CDH13: variants seen among roughly 807,000 people sequenced by gnomAD.
The protein encoded by CDH13 is cadherin 13, also known as cadherin-13.
In CDH13, 24 loss-of-function variants were observed where a neutral mutation model predicts 63.8. That is an observed-to-expected ratio of 0.38 (90% confidence interval 0.27 to 0.53). CDH13 has a LOEUF of 0.53. CDH13 is among the 20% of genes least tolerant of loss of function. The pLI, the probability that CDH13 is intolerant of heterozygous loss-of-function variation, is 0.85. For synonymous variants in CDH13, 503 were observed against 355.3 expected (o/e 1.42, Z -4.67); for missense variants, 1,049 against 903.1 (o/e 1.16, Z -2.07).
intron 6 of CDH13, among the ~76,000 whole-genome samples, chr16:83,443,635 C>T (rs2072550591): frequency 1.4e-5 from 2 of 147,972 alleles, no homozygotes; most frequent in South Asian, 4.2e-4. Context: ...CTTAGGCAGG[C>T]TGAGGCAGGA....
chr16:83,146,272 G>A (rs1203159329), intron 4 of CDH13, among the ~76,000 whole-genome samples: 2 of 152,180 alleles, frequency 1.3e-5, no homozygotes, highest in Non-Finnish European at 1.5e-5. Flanking sequence ...GACATTTCAG[G>A]TGGAGGGATA....
chr16:83,561,976 C>T (rs2075716904), intron 7 of CDH13, among the ~76,000 whole-genome samples: 2 of 152,082 alleles, frequency 1.3e-5, no homozygotes, highest in Non-Finnish European at 2.9e-5. Context: ...TCCAGTGGAG[C>T]GATAGTGCCG....
At chr16:82,949,156 C>T (rs568333869) in intron 2 of CDH13, among the ~76,000 whole-genome samples, 1 of 152,254 alleles carries the variant, frequency 6.6e-6, no homozygotes, top group East Asian at 1.9e-4. Context: ...TGTCTCATAG[C>T]TCTGGAAGCT....
At chr16:83,365,740 T>A (rs182958816) in intron 6 of CDH13, among the ~76,000 whole-genome samples, 29 of 151,718 alleles carry the variant, frequency 1.9e-4, no homozygotes, top group Admixed American at 3.9e-4. Flanking sequence ...CAGAGAAGAG[T>A]TAGAGAAATG....
chr16:82,858,268 C>T (rs541237181), intron 1 of CDH13, 94 bp from the exon 2 acceptor site: 1 of 731,300 alleles, frequency 1.4e-6, no homozygotes, highest in African/African-American at 1.8e-5. Flanking sequence ...AAATCAAAAC[C>T]TCAGCTTGTT....
At chr16:82,691,659 C>T (rs575641768) in intron 1 of CDH13, among the ~76,000 whole-genome samples, 1 of 152,222 alleles carries the variant, frequency 6.6e-6, no homozygotes, top group South Asian at 2.1e-4. Flanking sequence ...GCCTGTTGTA[C>T]TATTAGGGAT....
intron 2 of CDH13, among the ~76,000 whole-genome samples, chr16:82,998,913 C>T (rs1318239735): frequency 7.1e-6 from 1 of 140,156 alleles, no homozygotes; most frequent in African/African-American, 2.8e-5. Context: ...TTAACTTTCA[C>T]CAACACTTTT....
chr16:82,649,924 T>G (rs1597217745), intron 1 of CDH13, among the ~76,000 whole-genome samples: 1 of 152,202 alleles, frequency 6.6e-6, no homozygotes, highest in African/African-American at 2.4e-5. Context: ...TTGAAGCATG[T>G]AACATGCTTA....
chr16:83,396,462 C>G (rs942702912), intron 6 of CDH13: 5 of 152,222 alleles, frequency 3.3e-5, no homozygotes, highest in Non-Finnish European at 7.3e-5. Context: ...TCCCTCTTTC[C>G]TCTCTGTTGC....
At position 83,014,592 on chromosome 16, in the gene CDH13, G is replaced by A. The variant is rs540838255; in HGVS notation, c.158-17418G>A. On this transcript the variant is annotated intron_variant, in intron 2 of 13. Transcript: ENST00000567109. ...CTACTAAAAATAAAAAATTAGCCGAGTGGTGGCCCATGCCTGTAATTCTAG... is the reference window on the plus strand; with the variant it reads ...CTACTAAAAATAAAAAATTAGCCGAATGGTGGCCCATGCCTGTAATTCTAG... Among the ~76,000 whole-genome samples the A allele has an allele frequency of 2.0e-5, 3 of 150,672 alleles. No individual in the cohort carries two copies. In the South Asian group the frequency reaches 6.3e-4, roughly 31 times the overall value.
chr16:83,437,258 T>C (rs939759233), intron 6 of CDH13, among the ~76,000 whole-genome samples: 1 of 152,188 alleles, frequency 6.6e-6, no homozygotes, highest in Non-Finnish European at 1.5e-5. Flanking sequence ...TTTCCTTCTT[T>C]GTTAGATCGG....
intron 6 of CDH13, among the ~76,000 whole-genome samples, chr16:83,396,089 C>T (rs2091881730): frequency 6.6e-6 from 1 of 152,158 alleles, no homozygotes; most frequent in Non-Finnish European, 1.5e-5. Context: ...ATAATGGCCT[C>T]CAGTTCTGTC....
intron 7 of CDH13, among the ~76,000 whole-genome samples, chr16:83,562,419 C>G (rs990727989): frequency 6.6e-6 from 1 of 152,208 alleles, no homozygotes; most frequent in African/African-American, 2.4e-5. Context: ...GAACAAGAGG[C>G]AATTGTCTCA....
intron 5 of CDH13, among the ~76,000 whole-genome samples, chr16:83,343,928 G>C (rs1226331647): frequency 6.6e-6 from 1 of 152,190 alleles, no homozygotes; most frequent in Non-Finnish European, 1.5e-5. Flanking sequence ...ATAAGTGTTT[G>C]TTATTATTCC....
intron 7 of CDH13, among the ~76,000 whole-genome samples, chr16:83,514,232 C>T (rs567790263): frequency 1.3e-5 from 2 of 152,310 alleles, no homozygotes; most frequent in East Asian, 1.9e-4. Flanking sequence ...CTAGGGTCCT[C>T]CCCAAATTCA....
rs145437171 is a variant in CDH13 at position 82,709,454 on chromosome 16, G to C, written c.45+82317G>C. On this transcript the variant is annotated intron_variant, in intron 1 of 13. Coordinates refer to ENST00000567109, the MANE Select transcript of CDH13 (RefSeq NM_001257.5). ...GGTTCCAATCAGGGGCTTGGAATTA[G>C]ACTGCCTAATTTTAAATTCTAGCTC... Among the ~76,000 whole-genome samples, 106 of 152,316 alleles carry C rather than the reference G, an allele frequency of 7.0e-4. 1 individual carries two copies. Among genetic ancestry groups the C allele is most frequent in the African/African-American group, 2.4e-3 (99 of 41,572 alleles).
At chr16:82,678,665 C>G (rs1422451590) in intron 1 of CDH13, among the ~76,000 whole-genome samples, 2 of 152,152 alleles carry the variant, frequency 1.3e-5, no homozygotes, top group Admixed American at 6.5e-5. Flanking sequence ...TATATACCTA[C>G]TTCTGTGCAA....
chr16:82,902,890 T>C (rs2041517866), intron 2 of CDH13, among the ~76,000 whole-genome samples: 1 of 152,178 alleles, frequency 6.6e-6, no homozygotes, highest in South Asian at 2.1e-4. Context: ...CTCATCAGTA[T>C]GGAAAGGGCG....
chr16:82,748,911 T>C (rs1444392734), intron 1 of CDH13, among the ~76,000 whole-genome samples: 3 of 152,344 alleles, frequency 2.0e-5, no homozygotes, highest in Non-Finnish European at 4.4e-5. Context: ...CTGCACCTAG[T>C]TGGCCAATCA....
Sources: allele counts gnomAD v4.1 joint callset (sites outside exome capture counted in the v4.1 genomes callset), GRCh38; gene constraint gnomAD v4.1.1; transcripts MANE v1.5; gene names NCBI Gene and HGNC (gene_info 2026-07-23, HGNC 2026-07-21).